The following DCLK1 variants were observed in gnomAD, a reference collection of about 807,000 sequenced individuals.
DCLK1 encodes doublecortin like kinase 1.
DCLK1 carries 16 observed loss-of-function variants against 86.2 expected under a neutral mutation model. The observed-to-expected ratio is 0.19, with a 90% CI of 0.13 to 0.28. The LOEUF (loss-of-function observed/expected upper bound fraction) is 0.28. Among genes scored for constraint, DCLK1 ranks in the 10% least tolerant of loss-of-function variants. The pLI, the probability that DCLK1 is intolerant of heterozygous loss-of-function variation, is 1.00. For missense variants in DCLK1, 590 were observed against 940.2 expected (o/e 0.63, Z 4.87); for synonymous variants, 369 against 370.5 (o/e 1.00, Z 0.05).
chr13:35,964,549 CG>C (rs1438745753), intron 3 of DCLK1, among the ~76,000 whole-genome samples: 1 of 152,130 alleles, frequency 6.6e-6, no homozygotes, highest in Non-Finnish European at 1.5e-5. Flanking sequence ...GGCATGTGGC[CG>C]GAAATATTTG....
At chr13:36,071,621 T>C (rs1883978862) in intron 3 of DCLK1, among the ~76,000 whole-genome samples, 1 of 152,230 alleles carries the variant, frequency 6.6e-6, no homozygotes. Flanking sequence ...CTAGGCATTT[T>C]GAGTTATTTC....
rs372490424 is a variant in DCLK1 at position 35,801,511 on chromosome 13, T to TA, written c.1944+4187_1944+4188insT. The stretch of plus-strand genomic sequence containing the variant: ...TTTGAATTACAGAAAGGGTATTTTT[T>TA]TTTTAGTTTTCGATCTCCTAGATGA... On this transcript the variant is annotated intron_variant, in intron 15 of 16. Coordinates refer to ENST00000360631, the MANE Select transcript of DCLK1 (RefSeq NM_001330071.2). Among the ~76,000 whole-genome samples the TA allele has an allele frequency of 1.5e-3, 233 of 152,060 alleles. 1 individual carries two copies. The highest frequency in any genetic ancestry group is 5.5e-3 in the African/African-American group (227 of 41,432).
At chr13:35,873,839 A>T (rs1223575188) in intron 4 of DCLK1, among the ~76,000 whole-genome samples, 3 of 152,170 alleles carry the variant, frequency 2.0e-5, no homozygotes, top group African/African-American at 7.2e-5. Flanking sequence ...GTAAAGTTGT[A>T]CATTTTTCCC....
intron 3 of DCLK1, among the ~76,000 whole-genome samples, chr13:36,013,109 T>G (rs1359623645): frequency 2.0e-5 from 2 of 101,216 alleles, no homozygotes; most frequent in East Asian, 2.9e-4. Flanking sequence ...CTGTATTGGT[T>G]ATTCTAGTTA....
chr13:35,895,783 A>C (rs987879912), intron 4 of DCLK1, among the ~76,000 whole-genome samples: 1 of 152,016 alleles, frequency 6.6e-6, no homozygotes, highest in South Asian at 2.1e-4. Context: ...CCTATACTCT[A>C]TACAGTTGAG....
Position 35,989,756 on chromosome 13 carries a change from C to T in DCLK1, c.724-42299G>A, listed in dbSNP as rs544322022. Among the ~76,000 whole-genome samples the T allele has an allele frequency of 5.3e-3, 760 of 142,190 alleles. 6 individuals are homozygous for T. Among genetic ancestry groups the T allele is most frequent in the Non-Finnish European group, 7.3e-3 (482 of 66,010 alleles). The allele number at this position is 142,190 out of a possible 152,430, so 93.3% of individuals were successfully genotyped here. ...TTAAGAGACAGGGGTCTGATTATGT[C>T]ACCCAGGCTGGTCTTGAACTCCTGG... is the stretch of plus-strand genomic sequence containing the variant. On this transcript the variant is annotated intron_variant, in intron 3 of 16. Coordinates refer to ENST00000360631, the MANE Select transcript of DCLK1 (RefSeq NM_001330071.2).
intron 4 of DCLK1, among the ~76,000 whole-genome samples, chr13:35,923,915 C>T (rs375307846): frequency 2.2e-4 from 34 of 152,116 alleles, no homozygotes; most frequent in African/African-American, 7.5e-4. Flanking sequence ...AATGCACATG[C>T]TAAACTAGAC....
chr13:35,891,468 T>TA (rs1873639894), intron 4 of DCLK1, among the ~76,000 whole-genome samples: 1 of 152,190 alleles, frequency 6.6e-6, no homozygotes, highest in Non-Finnish European at 1.5e-5. Flanking sequence ...TCTCTTTGGA[T>TA]AAAAATGAAT....
At chr13:35,892,946 G>A (rs1005556423) in intron 4 of DCLK1, among the ~76,000 whole-genome samples, 9 of 152,204 alleles carry the variant, frequency 5.9e-5, no homozygotes, top group African/African-American at 1.9e-4. Flanking sequence ...AAGAGGCATC[G>A]CTGAAATATA....
chr13:36,014,173 G>A (rs912098070), intron 3 of DCLK1, among the ~76,000 whole-genome samples: 8 of 152,154 alleles, frequency 5.3e-5, no homozygotes, highest in African/African-American at 1.2e-4. Context: ...CGTCTTCTGC[G>A]TCGCTCACGC....
intron 3 of DCLK1, among the ~76,000 whole-genome samples, chr13:36,069,174 CT>C (rs992057915): frequency 6.6e-6 from 1 of 152,096 alleles, no homozygotes; most frequent in Non-Finnish European, 1.5e-5. Context: ...AGGCACAAAG[CT>C]TTGTTGGAAA....
chr13:35,823,355 GCA>G (rs34702154), intron 10 of DCLK1, among the ~76,000 whole-genome samples: 2,538 of 147,358 alleles, frequency 0.017, 67 homozygotes, highest in East Asian at 0.12. Flanking sequence ...TTATTAGGAT[GCA>G]CACACACACA....
intron 3 of DCLK1, among the ~76,000 whole-genome samples, chr13:35,971,819 T>C (rs1372619474): frequency 6.6e-6 from 1 of 151,912 alleles, no homozygotes; most frequent in Non-Finnish European, 1.5e-5. Context: ...TGCTGGGCCC[T>C]GGAGCTGCTA....
At chr13:36,107,910 A>T (rs1885458370) in intron 3 of DCLK1, among the ~76,000 whole-genome samples, 1 of 152,146 alleles carries the variant, frequency 6.6e-6, no homozygotes, top group Admixed American at 6.5e-5. Context: ...CCCACAGCAA[A>T]GTTCCAACAT....
chr13:35,871,129 C>A (rs775464723), intron 5 of DCLK1, 95 bp downstream of exon 5: 2 of 997,786 alleles, frequency 2.0e-6, no homozygotes, highest in East Asian at 2.4e-5. Flanking sequence ...AACCTACACT[C>A]GCTTAAAAAC....
At chr13:35,985,325 G>A (rs1037590856) in intron 3 of DCLK1, among the ~76,000 whole-genome samples, 18 of 152,100 alleles carry the variant, frequency 1.2e-4, no homozygotes, top group Admixed American at 3.9e-4. Context: ...AACAATAGCA[G>A]GTGTGGCACT....
intron 3 of DCLK1, among the ~76,000 whole-genome samples, chr13:36,065,886 GTATC>G (rs1883729538): frequency 6.6e-6 from 1 of 152,088 alleles, no homozygotes; most frequent in East Asian, 1.9e-4. Flanking sequence ...ATATAGTAGA[GTATC>G]TATGCACATT....
intron 3 of DCLK1, among the ~76,000 whole-genome samples, chr13:35,991,260 C>A (rs1158694822): frequency 6.6e-6 from 1 of 152,178 alleles, no homozygotes; most frequent in Non-Finnish European, 1.5e-5. Flanking sequence ...AGACCTTTAT[C>A]CAATCATACG....
intron 3 of DCLK1, among the ~76,000 whole-genome samples, chr13:35,994,453 A>C (rs566886418): frequency 1.4e-4 from 22 of 152,216 alleles, no homozygotes; most frequent in Non-Finnish European, 2.5e-4. Flanking sequence ...ACATATTCTT[A>C]GCTAATAAAA....
Sources: gnomAD v4.1 joint callset for allele counts (sites outside exome capture counted in the v4.1 genomes callset) on GRCh38, gnomAD v4.1.1 for gene constraint, MANE v1.5 for transcripts, NCBI Gene and HGNC (gene_info 2026-07-23, HGNC 2026-07-21) for gene names.